The following CELF2 variants were observed in gnomAD, a reference collection of about 807,000 sequenced individuals.
CELF2 encodes the protein CUGBP Elav-like family member 2, also known as CUG triplet repeat RNA-binding protein 2.
Under a neutral mutation model 62.6 loss-of-function variants are expected in CELF2, and 8 were observed. The observed-to-expected ratio is 0.13, with a 90% confidence interval of 0.07 to 0.23. CELF2 has a LOEUF of 0.23. Ranked by LOEUF, CELF2 falls within the 10% of genes least tolerant of loss-of-function variation. The pLI is 1.00. For synonymous variants in CELF2, 258 were observed against 250.0 expected, an observed-to-expected ratio of 1.03 and a Z score of -0.30; for missense variants, 333 against 671.0, an observed-to-expected ratio of 0.50 and a Z score of 5.56.
chr10:10,683,053 G>A, the CELF2 span, among the ~76,000 whole-genome samples: 1 of 152,138 alleles, frequency 6.6e-6, no homozygotes, highest in Non-Finnish European at 1.5e-5. Flanking sequence ...CTAATTTCAA[G>A]TATCAAAATA....
At chr10:10,867,362 T>A (rs2060455868) in intron 1 of CELF2, among the ~76,000 whole-genome samples, 1 of 152,244 alleles carries the variant, frequency 6.6e-6, no homozygotes, top group African/African-American at 2.4e-5. Flanking sequence ...TACTGACAAG[T>A]GGAAATATTA....
the CELF2 span, among the ~76,000 whole-genome samples, chr10:10,778,904 C>G: frequency 6.6e-6 from 1 of 152,064 alleles, no homozygotes; most frequent in Non-Finnish European, 1.5e-5. Context: ...GACATTTGAA[C>G]TTAGATGTGG....
At chr10:10,493,112 A>G in the CELF2 span, among the ~76,000 whole-genome samples, 1 of 152,204 alleles carries the variant, frequency 6.6e-6, no homozygotes, top group Non-Finnish European at 1.5e-5. Flanking sequence ...AAGGAAGGAC[A>G]TTCTGACACA....
At chr10:10,741,739 A>T in the CELF2 span, among the ~76,000 whole-genome samples, 1 of 152,240 alleles carries the variant, frequency 6.6e-6, no homozygotes, top group Non-Finnish European at 1.5e-5. Flanking sequence ...GGCCTTGTCC[A>T]CTCAGTATCT....
chr10:10,510,259 A>G, the CELF2 span, among the ~76,000 whole-genome samples: 2 of 152,106 alleles, frequency 1.3e-5, no homozygotes, highest in Non-Finnish European at 2.9e-5. Context: ...AAAATTAGAT[A>G]TTTTCACTAA....
intron 1 of CELF2, chr10:11,030,398 G>C (rs143993726): frequency 6.6e-6 from 1 of 152,340 alleles, no homozygotes; most frequent in African/African-American, 2.4e-5. Flanking sequence ...TCCAAAATCT[G>C]AGGTTGCACC....
At chr10:10,932,476 T>G (rs1384609996) in intron 2 of CELF2, among the ~76,000 whole-genome samples, 1 of 152,210 alleles carries the variant, frequency 6.6e-6, no homozygotes, top group East Asian at 1.9e-4. Flanking sequence ...CCACAGTCTA[T>G]GTATATGTAC....
At chr10:11,197,052 A>AGAAAGAAGGAAAGAAAGAAAGAAG (rs71378782) in intron 2 of CELF2, among the ~76,000 whole-genome samples, 15 of 31,684 alleles carry the variant, frequency 4.7e-4, no homozygotes, top group African/African-American at 1.7e-3. Context: ...AAAGAAAGAA[A>AGAAAGAAGGAAAGAAAGAAAGAAG]GAAAGAAAAG....
chr10:11,024,336 TGCTCAC>T (rs1239885507), intron 1 of CELF2, among the ~76,000 whole-genome samples: 4 of 152,168 alleles, frequency 2.6e-5, no homozygotes, highest in African/African-American at 9.7e-5. Context: ...CGGGTACGGT[TGCTCAC>T]GCCTGTAATC....
In CELF2 at chr10:11,325,993, A is replaced by G. The variant is rs761021107; in HGVS notation, c.1438+14A>G. The G allele has an allele frequency of 1.2e-6, 2 of 1,607,588 alleles. No homozygotes were observed. The highest frequency in any genetic ancestry group is 1.7e-6 in the Non-Finnish European group (2 of 1,177,582). ...GCAAGTGCTTTGGTATGCAAAAGAA[A>G]CTAAGCTAGTATATTGCAGTAGGTT... On this transcript the variant is annotated intron_variant, in intron 12 of 12. Transcript: ENST00000633077.
intron 2 of CELF2, among the ~76,000 whole-genome samples, chr10:11,202,946 T>A (rs999726794): frequency 1.8e-5 from 1 of 56,864 alleles, no homozygotes; most frequent in Admixed American, 1.6e-4. Flanking sequence ...TCTCTCTCTC[T>A]CTCTCTGTGT....
At chr10:10,912,194 T>A (rs2063871343) in intron 1 of CELF2, among the ~76,000 whole-genome samples, 1 of 151,866 alleles carries the variant, frequency 6.6e-6, no homozygotes, top group Non-Finnish European at 1.5e-5. Flanking sequence ...ATTCACAGAG[T>A]CACCGCATCA....
At chr10:10,766,014 G>C in the CELF2 span, among the ~76,000 whole-genome samples, 1 of 152,202 alleles carries the variant, frequency 6.6e-6, no homozygotes, top group Non-Finnish European at 1.5e-5. Context: ...ATTTACAAAA[G>C]CTGCTGTCTT....
At chr10:10,818,654 A>G (rs1178324927) in intron 1 of CELF2, among the ~76,000 whole-genome samples, 1 of 150,818 alleles carries the variant, frequency 6.6e-6, no homozygotes, top group Non-Finnish European at 1.5e-5. Flanking sequence ...CCCAGGTTCA[A>G]GTGATTCTCA....
the CELF2 span, among the ~76,000 whole-genome samples, chr10:10,739,538 C>G: frequency 1.4e-4 from 21 of 152,286 alleles, no homozygotes; most frequent in East Asian, 3.7e-3. Context: ...ATGTTAGTAT[C>G]TTACATAATC....
intron 1 of CELF2, among the ~76,000 whole-genome samples, chr10:11,088,284 A>G (rs1288107779): frequency 3.9e-5 from 6 of 152,246 alleles, no homozygotes; most frequent in Non-Finnish European, 8.8e-5. Flanking sequence ...TGAGTGAGGC[A>G]TATGCGTAGA....
At chr10:10,514,137 T>C in the CELF2 span, among the ~76,000 whole-genome samples, 1 of 152,226 alleles carries the variant, frequency 6.6e-6, no homozygotes, top group Admixed American at 6.6e-5. Context: ...TTCCAAGATG[T>C]TATTCCCAGA....
In CELF2 at chr10:11,267,776, T is replaced by G. The variant is rs1402496519; in HGVS notation, c.618+1099T>G. 6.6e-6 allele frequency among the ~76,000 whole-genome samples: 1 copy of G among 152,150 alleles called. No homozygotes were observed. Among genetic ancestry groups the G allele is most frequent in the African/African-American group, 2.4e-5 (1 of 41,412 alleles). On this transcript the variant is annotated intron_variant, in intron 6 of 12. Transcript: ENST00000633077. This position sits in a 1 kb window ranked among gnomAD's most constrained non-coding sequence, Gnocchi z 4.4. ...TATGCGTCATGTTTTGTGGGCAACT[T>G]TTTTTATAGTGAATCAAAAGGTGGG... is the stretch of plus-strand genomic sequence containing the variant.
the CELF2 span, among the ~76,000 whole-genome samples, chr10:10,643,426 C>A: frequency 6.6e-6 from 1 of 152,136 alleles, no homozygotes. Context: ...CCATGTAAGA[C>A]GTGACTTTGC....
Sources: gnomAD v4.1 joint callset for allele counts (sites outside exome capture counted in the v4.1 genomes callset) on GRCh38, gnomAD v4.1.1 for gene constraint, Gnocchi (gnomAD v3.1) non-coding constraint, MANE v1.5 for transcripts, NCBI Gene and HGNC (gene_info 2026-07-23, HGNC 2026-07-21) for gene names.